The following HOXD13 variants were observed in gnomAD, a reference collection of about 807,000 sequenced individuals.
HOXD13 encodes the protein homeobox D13.
Under a neutral mutation model 27.3 loss-of-function variants are expected in HOXD13, and 16 were observed. The ratio of observed to expected loss-of-function variants is 0.59; its 90% CI spans 0.40 to 0.89. The LOEUF is 0.89. Among genes scored for constraint, HOXD13 ranks in the 40% least tolerant of loss-of-function variants. The pLI is 0.00. For synonymous variants in HOXD13, 241 were observed against 219.0 expected (o/e 1.10, Z -0.89); for missense variants, 481 against 482.6 (o/e 1.00, Z 0.03).
rs1047360816 is a variant in HOXD13, at chr2:176,094,103, T to A, written c.782-377T>A. On this transcript the variant is annotated intron_variant, in intron 1 of 1. Transcript: ENST00000392539. ...ACATAGGAACGCGGGAAATCAAAAT[T>A]TGAGCAAAAGACCTGAGTTGGTATG... Among the ~76,000 whole-genome samples the A allele has an allele frequency of 2.6e-5, 4 of 152,116 alleles. No individual in the cohort carries two copies. The South Asian group carries it at 8.3e-4, about 32-fold the overall frequency.
upstream of HOXD13, among the ~76,000 whole-genome samples, chr2:176,087,768 A>G (rs1225012965): frequency 6.6e-6 from 1 of 152,196 alleles, no homozygotes; most frequent in Admixed American, 6.5e-5. Flanking sequence ...AATTTTTAAG[A>G]TGGGGTGGGG....
chr2:176,094,791 G>T lies in HOXD13; in HGVS notation c.*61G>T. On this transcript the variant is annotated 3_prime_UTR_variant, in exon 2 of 2. Transcript: ENST00000392539. ...ATTCGGTTGTCTCCAAAAGGCCTTT[G>T]GAAAGACTTGAATATGTATTTAATT... 6.8e-7 allele frequency: 1 copy of T among 1,471,800 alleles called. No homozygotes were observed. The highest frequency in any genetic ancestry group is 9.5e-7 in the Non-Finnish European group (1 of 1,051,314). The allele number at this position is 1,471,800 out of a possible 1,614,324, so 91.2% of individuals were successfully genotyped here.
At position 176,093,538 on chromosome 2, in the gene HOXD13, G is replaced by A. The variant is rs1315402776; in HGVS notation, c.648G>A (p.Gly216=). The part of the protein sequence containing the change: ...YIDMVSTFGS[G]EPRHEAYISM... Reference sequence around the variant, plus strand: ...ACATGGTGTCCACTTTCGGCTCCGGGGAGCCTCGGCACGAGGCCTACATCT... The same window carrying A: ...ACATGGTGTCCACTTTCGGCTCCGGAGAGCCTCGGCACGAGGCCTACATCT... The change falls in exon 1 of 2, where the codon GGG becomes GGA. Residue 216 remains glycine, a synonymous_variant. Coordinates refer to ENST00000392539, the MANE Select transcript of HOXD13 (RefSeq NM_000523.4). The A allele has an allele frequency of 1.9e-6, 3 of 1,614,018 alleles. No individual in the cohort carries two copies. Among genetic ancestry groups the A allele is most frequent in the Non-Finnish European group, 2.5e-6 (3 of 1,180,016 alleles).
chr2:176,092,864 A>AGGGCCG lies in HOXD13; in HGVS notation c.-18_-13dup. 2 of 1,207,560 alleles carry AGGGCCG rather than the reference A, an allele frequency of 1.7e-6. No homozygotes were observed. The highest frequency in any genetic ancestry group is 1.0e-6 in the Non-Finnish European group (1 of 970,876). 74.8% of individuals were successfully genotyped at this position (1,207,560 alleles called of 1,614,324 possible). A position where few individuals can be genotyped will look rare whatever the true frequency, so the allele number is the denominator to read the frequency against. ...TGGTGTCCTGCGCGGGGCCAGGGCC[A>AGGGCCG]GGGCCGGGGCCGGGCCAGGCCGGGC... On this transcript the variant is annotated 5_prime_UTR_variant, in exon 1 of 2. Coordinates refer to ENST00000392539, the MANE Select transcript of HOXD13 (RefSeq NM_000523.4).
Position 176,095,450 on chromosome 2 carries a change from C to T in HOXD13, c.*720C>T, listed in dbSNP as rs574642021. On this transcript the variant is annotated 3_prime_UTR_variant, in exon 2 of 2. Transcript: ENST00000392539. ...AATCTTTAATTTGAAACTCATGTGT[C>T]CTCATGGATCGTGGATGCCTTCATT... The T allele has an allele frequency of 2.1e-4, 49 of 229,948 alleles. No individual in the cohort carries two copies. The highest frequency in any genetic ancestry group is 3.9e-4 in the Non-Finnish European group (45 of 115,948). 14.2% of individuals were successfully genotyped at this position (229,948 alleles called of 1,614,324 possible). A position where few individuals can be genotyped will look rare whatever the true frequency, so the allele number is the denominator to read the frequency against.
chr2:176,093,324 G>A lies in HOXD13; in HGVS notation c.434G>A (p.Gly145Asp), dbSNP rs1224734678. The change falls in exon 1 of 2, where the codon GGC (glycine) becomes GAC (aspartate). Residue 145 changes from glycine to aspartate, a missense_variant. Physicochemically the swap from Gly to Asp is moderately conservative, Grantham distance 94 (BLOSUM62 -1). Coordinates refer to ENST00000392539, the MANE Select transcript of HOXD13 (RefSeq NM_000523.4). Reference sequence around the variant, plus strand: ...AGCTGCCGTATGTCGCACGGCGTGGGCTTACAGCAGAATGCGCTCAAGTCA... The same window carrying A: ...AGCTGCCGTATGTCGCACGGCGTGGACTTACAGCAGAATGCGCTCAAGTCA... ...YYSCRMSHGV[G>D]LQQNALKSSP... The A allele has an allele frequency of 1.9e-6, 3 of 1,613,160 alleles. No homozygotes were observed. The highest frequency in any genetic ancestry group is 3.3e-5 in the Admixed American group (2 of 60,024).
chr2:176,093,009 G>A lies in HOXD13; in HGVS notation c.119G>A (p.Cys40Tyr). The A allele has an allele frequency of 7.2e-7, 1 of 1,385,964 alleles. No individual in the cohort carries two copies. Among genetic ancestry groups the A allele is most frequent in the Non-Finnish European group, 9.3e-7 (1 of 1,076,568 alleles). 85.9% of individuals were successfully genotyped at this position (1,385,964 alleles called of 1,614,324 possible). ...GCGGCGGCGGCGGCGTCAGGCCAGT[G>A]CCGCGGCTTTCTCTCCGCGCCTGTG... ...SVAAAAASGQ[C>Y]RGFLSAPVFA... is the part of the protein sequence containing the mutation. The change falls in exon 1 of 2, where the codon TGC becomes TAC. Residue 40 changes from cysteine (C) to tyrosine (Y), a missense_variant. Coordinates refer to ENST00000392539, the MANE Select transcript of HOXD13 (RefSeq NM_000523.4).
Position 176,093,056 on chromosome 2 carries a change from C to T in HOXD13, c.166C>T (p.Arg56Trp), listed in dbSNP as rs1308967487. 7.3e-7 allele frequency: 1 copy of T among 1,374,202 alleles called. No homozygotes were observed. The highest frequency in any genetic ancestry group is 9.3e-7 in the Non-Finnish European group (1 of 1,074,688). 85.1% of individuals were successfully genotyped at this position (1,374,202 alleles called of 1,614,324 possible). A position where few individuals can be genotyped will look rare whatever the true frequency, so the allele number is the denominator to read the frequency against. Residue 56 changes from arginine (R) to tryptophan (W), a missense_variant, in exon 1 of 2, where the codon CGG becomes TGG. By Grantham distance (101) the Arg-to-Trp change is moderately radical. Coordinates refer to ENST00000392539, the MANE Select transcript of HOXD13 (RefSeq NM_000523.4). ...TGTGTTCGCCGGGACGCATTCGGGG[C>T]GGGCGGCGGCGGCGGCAGCGGCGGC... The part of the protein sequence containing the change: ...APVFAGTHSG[R>W]AAAAAAAAAA...
At chr2:176,091,298 A>G (rs538627159), upstream of HOXD13, among the ~76,000 whole-genome samples, 1 of 152,206 alleles carries the variant, frequency 6.6e-6, no homozygotes, top group Admixed American at 6.5e-5. Context: ...ATTTTCTTGG[A>G]GATGGGCTGG....
chr2:176,094,016 C>G (rs1345589747), intron 1 of HOXD13, among the ~76,000 whole-genome samples: 2 of 152,164 alleles, frequency 1.3e-5, no homozygotes, highest in African/African-American at 4.8e-5. Flanking sequence ...CCCCCATTTT[C>G]AAAGACATCA....
rs767527649 is a variant in HOXD13, at chr2:176,092,982, T to TGGC, written c.106_108dup (p.Ala36dup). On this transcript the variant is annotated inframe_insertion, in exon 1 of 2. Transcript: ENST00000392539. Reference sequence around the variant, plus strand: ...CCGGCCTCTTCCTCCTCCTCATCGGTGGCGGCGGCGGCGGCGTCAGGCCAG... The same window carrying TGGC: ...CCGGCCTCTTCCTCCTCCTCATCGGTGGCGGCGGCGGCGGCGGCGTCAGGCCAG... 633 of 1,349,830 alleles carry TGGC rather than the reference T, an allele frequency of 4.7e-4. No individual in the cohort carries two copies. Among genetic ancestry groups the TGGC allele is most frequent in the Non-Finnish European group, 5.5e-4 (584 of 1,053,734 alleles). The allele number at this position is 1,349,830 out of a possible 1,614,324, so 83.6% of individuals were successfully genotyped here. A position where few individuals can be genotyped will look rare whatever the true frequency, so the allele number is the denominator to read the frequency against.
At chr2:176,087,850 G>A (rs1045623980), upstream of HOXD13, among the ~76,000 whole-genome samples, 10 of 152,256 alleles carry the variant, frequency 6.6e-5, no homozygotes, top group Non-Finnish European at 1.0e-4. Context: ...ACTTTGAAGA[G>A]GCCTAATTTT....
chr2:176,092,939 G>C lies in HOXD13; in HGVS notation c.49G>C (p.Gly17Arg), dbSNP rs1689344123. Residue 17 changes from glycine to arginine, a missense_variant, in exon 1 of 2, where the codon GGG becomes CGG. Physicochemically the swap from Gly to Arg is moderately radical, Grantham distance 125. Transcript: ENST00000392539. ...CATGGACGGGCTGCGGGCAGACGGCGGGGGCGCCGGTGGCGCCCCGGCCTC... is the reference window on the plus strand; with the variant it reads ...CATGGACGGGCTGCGGGCAGACGGCCGGGGCGCCGGTGGCGCCCCGGCCTC... ...WDMDGLRADG[G>R]GAGGAPASSS... 3 of 1,329,060 alleles carry C rather than the reference G, an allele frequency of 2.3e-6. No homozygotes were observed. In the East Asian group the frequency reaches 9.7e-5, roughly 43 times the overall value. 82.3% of individuals were successfully genotyped at this position (1,329,060 alleles called of 1,614,324 possible).
chr2:176,092,830 G>A lies in HOXD13; in HGVS notation c.-61G>A. 1 of 1,085,192 alleles carries A rather than the reference G, an allele frequency of 9.2e-7. No individual in the cohort carries two copies. Among genetic ancestry groups the A allele is most frequent in the South Asian group, 4.6e-5 (1 of 21,976 alleles). 67.2% of individuals were successfully genotyped at this position (1,085,192 alleles called of 1,614,324 possible). ...AGAAAGGAGAGGAGGGAGGAGGCGC[G>A]CCGCGCCATGGTGTCCTGCGCGGGG... On this transcript the variant is annotated 5_prime_UTR_variant, in exon 1 of 2. Coordinates refer to ENST00000392539, the MANE Select transcript of HOXD13 (RefSeq NM_000523.4).
At chr2:176,092,062 T>A (rs543065292), upstream of HOXD13, among the ~76,000 whole-genome samples, 3 of 152,208 alleles carry the variant, frequency 2.0e-5, no homozygotes, top group South Asian at 6.2e-4. Context: ...TCTGTTTAAG[T>A]CTCTGCCGCC....
chr2:176,088,228 T>G (rs1432029109), upstream of HOXD13, among the ~76,000 whole-genome samples: 2 of 152,200 alleles, frequency 1.3e-5, no homozygotes, highest in East Asian at 3.9e-4. Context: ...CGGGTGCAGG[T>G]TTCGCTGCAT....
Position 176,093,261 on chromosome 2 carries a change from C to A in HOXD13, c.371C>A (p.Ala124Glu), listed in dbSNP as rs750412684. ...AAAAAPPSAP[A>E]LGYGYHFGNG... ...GCTGCAGCGCCCCCGAGCGCTCCAGCGCTGGGCTACGGCTACCACTTCGGC... is the reference window on the plus strand; with the variant it reads ...GCTGCAGCGCCCCCGAGCGCTCCAGAGCTGGGCTACGGCTACCACTTCGGC... Residue 124 changes from alanine (A) to glutamate (E), a missense_variant, in exon 1 of 2, where the codon GCG becomes GAG. Coordinates refer to ENST00000392539, the MANE Select transcript of HOXD13 (RefSeq NM_000523.4). 1.2e-5 allele frequency: 20 copies of A among 1,610,616 alleles called. No individual in the cohort carries two copies. In the East Asian group the frequency reaches 1.3e-4, roughly 11 times the overall value.
intron 1 of HOXD13, 25 bp downstream of exon 1, chr2:176,093,696 C>A (rs757447876): frequency 1.4e-5 from 20 of 1,445,980 alleles, no homozygotes; most frequent in Non-Finnish European, 1.8e-5. Flanking sequence ...GAAAAGGGAC[C>A]GACACGAGGG....
Position 176,093,515 on chromosome 2 carries a change from ATGG to A in HOXD13, c.628_630del (p.Val210del), listed in dbSNP as rs1559108314. ...CCAGCACGTGCCCGGCTATATCGAC[ATGG>A]TGTCCACTTTCGGCTCCGGGGAGCC... On this transcript the variant is annotated inframe_deletion, in exon 1 of 2. Transcript: ENST00000392539. The A allele has an allele frequency of 1.2e-6, 2 of 1,614,030 alleles. No individual in the cohort carries two copies. The highest frequency in any genetic ancestry group is 8.5e-7 in the Non-Finnish European group (1 of 1,180,032).
Sources: gnomAD v4.1 joint callset for allele counts (sites outside exome capture counted in the v4.1 genomes callset) on GRCh38, gnomAD v4.1.1 for gene constraint, MANE v1.5 for transcripts, NCBI Gene and HGNC (gene_info 2026-07-23, HGNC 2026-07-21) for gene names.